Variants in CNTN4 observed in about 807,000 individuals in gnomAD.
CNTN4 encodes contactin-4.
A neutral mutation model predicts 122.5 loss-of-function variants in CNTN4; 77 were observed. That is an observed-to-expected ratio of 0.63 (90% CI 0.52 to 0.76). CNTN4 has a LOEUF of 0.76. Ranked by LOEUF, CNTN4 falls within the 30% of genes least tolerant of loss-of-function variation. CNTN4 has a pLI of 0.00. For synonymous variants in CNTN4, 512 were observed against 447.0 expected (o/e 1.15, Z -1.83); for missense variants, 1,256 against 1,259.1 (o/e 1.00, Z 0.04).
intron 3 of CNTN4, among the ~76,000 whole-genome samples, chr3:2,430,100 C>T (rs996024762): frequency 6.6e-6 from 1 of 151,984 alleles, no homozygotes; most frequent in Non-Finnish European, 1.5e-5. Context: ...CGACAATCCC[C>T]AGTGAGATGA....
At chr3:2,862,687 T>G (rs1166003023) in intron 7 of CNTN4, among the ~76,000 whole-genome samples, 1 of 152,218 alleles carries the variant, frequency 6.6e-6, no homozygotes, top group Non-Finnish European at 1.5e-5. Flanking sequence ...GTATAAATAT[T>G]GCATGAAAGT....
chr3:2,806,744 C>T (rs2092476885), intron 6 of CNTN4, among the ~76,000 whole-genome samples: 1 of 152,104 alleles, frequency 6.6e-6, no homozygotes, highest in Non-Finnish European at 1.5e-5. Context: ...TAAGAAAGTA[C>T]CAAACTAAAT....
In CNTN4 at chr3:2,534,809, G is replaced by C. The variant is rs2077735029; in HGVS notation, c.-88-36607G>C. ...CTTGAGGACTGGCACACCAAATGAG[G>C]GAACAATGTATGCTGCTGCTGCTGC... On this transcript the variant is annotated intron_variant, in intron 3 of 24. Transcript: ENST00000418658. Among the ~76,000 whole-genome samples the C allele has an allele frequency of 2.9e-5, 4 of 138,742 alleles. 1 individual carries two copies. The South Asian group carries it at 9.4e-4, about 33-fold the overall frequency. The allele number at this position is 138,742 out of a possible 152,430, so 91.0% of individuals were successfully genotyped here.
At chr3:2,975,746 T>G (rs946852872) in intron 13 of CNTN4, among the ~76,000 whole-genome samples, 5 of 152,190 alleles carry the variant, frequency 3.3e-5, no homozygotes, top group African/African-American at 1.2e-4. Flanking sequence ...CCTGAGTGCT[T>G]TATATATTTT....
At chr3:2,776,655 C>T (rs74604979) in intron 6 of CNTN4, among the ~76,000 whole-genome samples, 188 of 152,266 alleles carry the variant, frequency 1.2e-3, no homozygotes, top group African/African-American at 4.4e-3. Context: ...TGTCTTCCTC[C>T]TCTTTGGTTC....
At chr3:2,903,376 A>G (rs567926751) in intron 12 of CNTN4, among the ~76,000 whole-genome samples, 1 of 152,290 alleles carries the variant, frequency 6.6e-6, no homozygotes, top group South Asian at 2.1e-4. Flanking sequence ...GCTTATTTGA[A>G]CAGCTGACAG....
At chr3:2,533,178 C>T (rs2077664056) in intron 3 of CNTN4, among the ~76,000 whole-genome samples, 1 of 150,400 alleles carries the variant, frequency 6.6e-6, no homozygotes, top group Non-Finnish European at 1.5e-5. Context: ...TACATGTGCA[C>T]AACAGGCAGG....
chr3:2,582,986 G>A (rs191473885), intron 4 of CNTN4, among the ~76,000 whole-genome samples: 7 of 151,156 alleles, frequency 4.6e-5, no homozygotes, highest in Admixed American at 4.6e-4. Context: ...TATGAATGCA[G>A]CAATATATAT....
At chr3:2,828,288 C>T (rs1295362288) in intron 7 of CNTN4, among the ~76,000 whole-genome samples, 1 of 152,042 alleles carries the variant, frequency 6.6e-6, no homozygotes, top group Non-Finnish European at 1.5e-5. Flanking sequence ...AATTTCATGT[C>T]ACCTGAGAAG....
intron 4 of CNTN4, among the ~76,000 whole-genome samples, chr3:2,641,667 C>T (rs1048301682): frequency 5.9e-5 from 9 of 152,066 alleles, no homozygotes; most frequent in Non-Finnish European, 1.2e-4. Context: ...CTCTAAATAT[C>T]CCCCCCAAAC....
rs2038416997 is a variant in CNTN4 at position 2,207,588 on chromosome 3, T to C, written c.-145+106949T>C. Among the ~76,000 whole-genome samples the C allele has an allele frequency of 2.0e-5, 3 of 152,048 alleles. No homozygotes were observed. In the South Asian group the frequency reaches 6.2e-4, roughly 31 times the overall value. ...GAGCCAGGAACGAAGTGTCTAAAAT[T>C]ATGTGAAGATAGAGAGGTAAGGAAA... On this transcript the variant is annotated intron_variant, in intron 2 of 24. Coordinates refer to ENST00000418658, the MANE Select transcript of CNTN4 (RefSeq NM_175607.3).
intron 7 of CNTN4, among the ~76,000 whole-genome samples, chr3:2,848,641 T>C (rs2093495870): frequency 6.6e-6 from 1 of 152,240 alleles, no homozygotes; most frequent in Non-Finnish European, 1.5e-5. Context: ...TCCCAAATGA[T>C]AGTGTTAGGA....
Position 2,153,706 on chromosome 3 carries a change from T to A in CNTN4, c.-145+53067T>A, listed in dbSNP as rs551668369. Reference sequence around the variant, plus strand: ...GTTTAAATAATGACCTATTTGTCTTTTAGATATTGCTCTGACTGCTGTATA... The same window carrying A: ...GTTTAAATAATGACCTATTTGTCTTATAGATATTGCTCTGACTGCTGTATA... On this transcript the variant is annotated intron_variant, in intron 2 of 24. Transcript: ENST00000418658. 1.2e-4 allele frequency among the ~76,000 whole-genome samples: 18 copies of A among 152,282 alleles called. No homozygotes were observed. In the South Asian group the frequency reaches 3.7e-3, roughly 32 times the overall value.
At chr3:3,041,682 G>T (rs6771468) in intron 20 of CNTN4, among the ~76,000 whole-genome samples, 12,169 of 152,170 alleles carry the variant, frequency 0.08, 889 homozygotes, top group African/African-American at 0.2. Context: ...AATTTAGTGG[G>T]CAAGCACAGT....
chr3:3,005,676 C>T lies in CNTN4; in HGVS notation c.1486+17204C>T, dbSNP rs56907669. 5.2e-3 allele frequency among the ~76,000 whole-genome samples: 785 copies of T among 152,236 alleles called. 4 individuals are homozygous for T. Among genetic ancestry groups the T allele is most frequent in the African/African-American group, 0.018 (740 of 41,518 alleles). ...ATGGTCATTTACCACTGTATCCTTA[C>T]GTGGCAGTAAGAGAACTAGCCGGCT... On this transcript the variant is annotated intron_variant, in intron 14 of 24. Transcript: ENST00000418658.
At chr3:2,434,089 CAAAGTGATGACTATAAT>C (rs1289139436) in intron 3 of CNTN4, among the ~76,000 whole-genome samples, 1 of 151,984 alleles carries the variant, frequency 6.6e-6, no homozygotes, top group African/African-American at 2.4e-5. Flanking sequence ...ATCTATTGCA[CAAAGTGATGACTATAAT>C]AAATAATAAT....
At chr3:2,567,153 C>G (rs1447608721) in intron 3 of CNTN4, among the ~76,000 whole-genome samples, 2 of 146,434 alleles carry the variant, frequency 1.4e-5, no homozygotes, top group Non-Finnish European at 3.0e-5. Context: ...GATGCACGAT[C>G]TCGGCTCACT....
At chr3:2,116,996 A>G (rs2033398135) in intron 2 of CNTN4, among the ~76,000 whole-genome samples, 2 of 152,090 alleles carry the variant, frequency 1.3e-5, no homozygotes, top group Admixed American at 1.3e-4. Flanking sequence ...CAAGCAAGCA[A>G]TCAGTTTTCC....
intron 3 of CNTN4, among the ~76,000 whole-genome samples, chr3:2,390,805 A>G (rs2046415423): frequency 1.3e-5 from 2 of 152,156 alleles, no homozygotes; most frequent in South Asian, 4.1e-4. Flanking sequence ...CTAAATAATG[A>G]TGTTTTATTT....
Sources: gnomAD v4.1 joint callset for allele counts (sites outside exome capture counted in the v4.1 genomes callset) on GRCh38, gnomAD v4.1.1 for gene constraint, MANE v1.5 for transcripts, NCBI Gene and HGNC (gene_info 2026-07-23, HGNC 2026-07-21) for gene names.